MAST4: variants seen among roughly 807,000 people sequenced by gnomAD.
The protein encoded by MAST4 is microtubule associated serine/threonine kinase family member 4, also known as microtubule-associated serine/threonine-protein kinase 4.
In MAST4, 89 loss-of-function variants were observed where a neutral mutation model predicts 162.7. The ratio of observed to expected loss-of-function variants is 0.55; its 90% CI spans 0.46 to 0.65. The LOEUF (loss-of-function observed/expected upper bound fraction) is 0.65, where lower values mean the gene tolerates loss of function less well. Among genes scored for constraint, MAST4 ranks in the 30% least tolerant of loss-of-function variants. MAST4 has a pLI of 0.00. For missense variants in MAST4, 3,153 were observed against 3,374.0 expected, an observed-to-expected ratio of 0.93 and a Z score of 1.62; for synonymous variants, 1,479 against 1,361.1, an observed-to-expected ratio of 1.09 and a Z score of -1.91.
Position 67,163,481 on chromosome 5 carries a change from G to A in MAST4, c.4302G>A (p.Glu1434=), listed in dbSNP as rs1405606503. The A allele has an allele frequency of 6.2e-7, 1 of 1,613,378 alleles. No individual in the cohort carries two copies. Among genetic ancestry groups the A allele is most frequent in the African/African-American group, 1.3e-5 (1 of 75,046 alleles). ...ACATCGTGAGGCCCAAGAGTGCGGAGCCCCCCAGGTCCCCGCTGCTCAAGC... is the reference window on the plus strand; with the variant it reads ...ACATCGTGAGGCCCAAGAGTGCGGAACCCCCCAGGTCCCCGCTGCTCAAGC... ...VRHIVRPKSA[E]PPRSPLLKRV... Residue 1434 remains glutamate (E), a synonymous_variant, in exon 29 of 29, where the codon GAG becomes GAA. Coordinates refer to ENST00000403625, the MANE Select transcript of MAST4 (RefSeq NM_001164664.2). The surrounding 1 kb of genome is among the most constrained non-coding windows in gnomAD (Gnocchi z 7.0).
At chr5:66,874,117 G>A (rs907700051) in intron 3 of MAST4, among the ~76,000 whole-genome samples, 9 of 152,238 alleles carry the variant, frequency 5.9e-5, no homozygotes, top group African/African-American at 2.2e-4. Context: ...TAAGTATTGT[G>A]CCTCTGATTG....
At chr5:66,802,826 G>A (rs1275077062) in intron 3 of MAST4, among the ~76,000 whole-genome samples, 2 of 152,160 alleles carry the variant, frequency 1.3e-5, no homozygotes, top group Admixed American at 6.5e-5. Context: ...GAATGGAAGA[G>A]CACTTCTTCC....
chr5:67,032,598 G>A (rs944591603), intron 4 of MAST4, among the ~76,000 whole-genome samples: 9 of 152,000 alleles, frequency 5.9e-5, no homozygotes, highest in African/African-American at 2.2e-4. Flanking sequence ...TTTACATCAA[G>A]AACAAAATAA....
intron 1 of MAST4, among the ~76,000 whole-genome samples, chr5:66,749,169 T>G (rs549804001): frequency 4.6e-5 from 7 of 152,146 alleles, no homozygotes; most frequent in African/African-American, 1.7e-4. Flanking sequence ...TCAGTATCAC[T>G]TGTTACTGAG....
At chr5:67,042,500 G>A (rs965271938) in intron 4 of MAST4, among the ~76,000 whole-genome samples, 1 of 151,966 alleles carries the variant, frequency 6.6e-6, no homozygotes, top group Non-Finnish European at 1.5e-5. Flanking sequence ...AGTTAATTAA[G>A]GGAAAACATT....
chr5:67,093,598 G>A (rs781779728), intron 6 of MAST4: 6 of 460,152 alleles, frequency 1.3e-5, no homozygotes, highest in East Asian at 6.3e-5. Context: ...GCACATTCTC[G>A]TTTAAACATC....
chr5:66,694,351 C>A (rs759043495), intron 1 of MAST4, among the ~76,000 whole-genome samples: 10 of 152,172 alleles, frequency 6.6e-5, no homozygotes, highest in Non-Finnish European at 1.5e-4. Context: ...TCCCTTAGCT[C>A]ATATAAGTCA....
At chr5:67,032,578 G>A (rs907797836) in intron 4 of MAST4, among the ~76,000 whole-genome samples, 4 of 151,974 alleles carry the variant, frequency 2.6e-5, no homozygotes, top group Non-Finnish European at 5.9e-5. Context: ...TTGGGGGAGG[G>A]CAGAATTATT....
In MAST4 at chr5:67,166,890, C is replaced by A; in HGVS notation, c.7711C>A (p.Pro2571Thr). The change falls in exon 29 of 29, where the codon CCC (proline) becomes ACC (threonine). Residue 2571 changes from proline to threonine, a missense_variant. By Grantham distance (38) the Pro-to-Thr change is conservative. Coordinates refer to ENST00000403625, the MANE Select transcript of MAST4 (RefSeq NM_001164664.2). Reference sequence around the variant, plus strand: ...GAAGGACCCTGCCCCAGCCCAGCCTCCCCCAGCTAGGAAACAGAACGTGGG... The same window carrying A: ...GAAGGACCCTGCCCCAGCCCAGCCTACCCCAGCTAGGAAACAGAACGTGGG... ...KGKDPAPAQP[P>T]PARKQNVGRD... The A allele has an allele frequency of 6.2e-7, 1 of 1,610,490 alleles. No homozygotes were observed. The highest frequency in any genetic ancestry group is 8.5e-7 in the Non-Finnish European group (1 of 1,178,634).
chr5:66,863,440 G>T (rs1760257246), intron 3 of MAST4, among the ~76,000 whole-genome samples: 1 of 152,196 alleles, frequency 6.6e-6, no homozygotes, highest in Non-Finnish European at 1.5e-5. Flanking sequence ...CAGTGATTGT[G>T]CAGGTGCCTT....
intron 4 of MAST4, among the ~76,000 whole-genome samples, chr5:67,005,518 G>A (rs905839096): frequency 6.6e-6 from 1 of 152,178 alleles, no homozygotes; most frequent in Non-Finnish European, 1.5e-5. Flanking sequence ...GCAGATGTAC[G>A]ATGCAAGGAT....
intron 3 of MAST4, among the ~76,000 whole-genome samples, chr5:66,803,458 A>G (rs532270979): frequency 8.2e-5 from 10 of 122,694 alleles, no homozygotes; most frequent in South Asian, 2.6e-4. Context: ...GTGTAGATCA[A>G]TTGGGGGAAA....
chr5:67,100,066 G>A (rs369899927), intron 7 of MAST4, among the ~76,000 whole-genome samples: 2 of 152,282 alleles, frequency 1.3e-5, no homozygotes, highest in East Asian at 1.9e-4. Context: ...TTGAGCAGCA[G>A]TAAACTCGGG....
Position 66,899,107 on chromosome 5 carries a change from C to T in MAST4, c.643-844C>T, listed in dbSNP as rs111900199. Among the ~76,000 whole-genome samples, 1,187 of 152,292 alleles carry T rather than the reference C, an allele frequency of 7.8e-3. 19 individuals carry two copies. Among genetic ancestry groups the T allele is most frequent in the African/African-American group, 0.026 (1,092 of 41,568 alleles). Reference sequence around the variant, plus strand: ...TTCATTTTGAGTTTAAATAGCCAAACGACTCATTGCTTCCTGTTCTTTAAT... The same window carrying T: ...TTCATTTTGAGTTTAAATAGCCAAATGACTCATTGCTTCCTGTTCTTTAAT... On this transcript the variant is annotated intron_variant, in intron 3 of 28. Transcript: ENST00000403625.
chr5:66,688,815 T>TAAGACTGGCTGCTA (rs1748856107), intron 1 of MAST4, among the ~76,000 whole-genome samples: 1 of 152,156 alleles, frequency 6.6e-6, no homozygotes, highest in Admixed American at 6.5e-5. Context: ...TTGCTTATAC[T>TAAGACTGGCTGCTA]AAGACTGGCT....
chr5:67,137,950 G>A (rs1029618323), intron 19 of MAST4, among the ~76,000 whole-genome samples: 1 of 152,184 alleles, frequency 6.6e-6, no homozygotes, highest in African/African-American at 2.4e-5. Flanking sequence ...ATTAGGGCTT[G>A]ACTAGACAAC....
intron 5 of MAST4, among the ~76,000 whole-genome samples, chr5:67,086,304 TA>T (rs1219697938): frequency 2.6e-5 from 4 of 152,346 alleles, no homozygotes; most frequent in East Asian, 1.9e-4. Context: ...ATATGCCTTT[TA>T]AAAAGATTTG....
At chr5:67,087,121 C>T (rs1367682112) in intron 5 of MAST4, among the ~76,000 whole-genome samples, 1 of 152,096 alleles carries the variant, frequency 6.6e-6, no homozygotes, top group African/African-American at 2.4e-5. Context: ...CTATAGAATG[C>T]TCATTGACCC....
chr5:66,744,950 G>A (rs1179230334), intron 1 of MAST4, among the ~76,000 whole-genome samples: 1 of 152,106 alleles, frequency 6.6e-6, no homozygotes, highest in African/African-American at 2.4e-5. Context: ...ACAATTGATT[G>A]TTTTCCTTTA....
Sources: gnomAD v4.1 joint callset for allele counts (sites outside exome capture counted in the v4.1 genomes callset) on GRCh38, gnomAD v4.1.1 for gene constraint, Gnocchi (gnomAD v3.1) non-coding constraint, MANE v1.5 for transcripts, NCBI Gene and HGNC (gene_info 2026-07-23, HGNC 2026-07-21) for gene names.